The following ARHGAP15 variants were observed in gnomAD, a reference collection of about 807,000 sequenced individuals.
ARHGAP15 encodes the protein Rho GTPase activating protein 15.
A neutral mutation model predicts 63.7 loss-of-function variants in ARHGAP15; 51 were observed. The observed-to-expected ratio is 0.80, with a 90% confidence interval of 0.64 to 1.01. The LOEUF is 1.01. Among genes scored for constraint, ARHGAP15 ranks in the 50% least tolerant of loss-of-function variants. The pLI, the probability that ARHGAP15 is intolerant of heterozygous loss-of-function variation, is 0.00. For missense variants in ARHGAP15, 560 were observed against 564.6 expected (o/e 0.99, Z 0.08); for synonymous variants, 191 against 193.8 (o/e 0.99, Z 0.12).
intron 1 of ARHGAP15, 25 bp from the exon 2 acceptor site, chr2:143,155,452 C>CAT: frequency 6.5e-7 from 1 of 1,536,518 alleles, no homozygotes; most frequent in Non-Finnish European, 8.8e-7. Context: ...TTTAGAATAA[C>CAT]ATAATACATT....
At chr2:143,277,997 C>T (rs1269216049) in intron 6 of ARHGAP15, among the ~76,000 whole-genome samples, 4 of 152,108 alleles carry the variant, frequency 2.6e-5, no homozygotes, top group African/African-American at 7.2e-5. Flanking sequence ...AAACAATTCC[C>T]TCCAGGTTGT....
intron 13 of ARHGAP15, among the ~76,000 whole-genome samples, chr2:143,717,668 C>T (rs1684868074): frequency 6.6e-6 from 1 of 152,178 alleles, no homozygotes; most frequent in African/African-American, 2.4e-5. Context: ...GTACACAAGA[C>T]ATGAAAGTGT....
intron 12 of ARHGAP15, among the ~76,000 whole-genome samples, chr2:143,654,798 T>C (rs999699080): frequency 1.3e-5 from 2 of 152,194 alleles, no homozygotes; most frequent in Admixed American, 1.3e-4. Flanking sequence ...TTCTCTTGAA[T>C]ATATGGAAAT....
chr2:143,708,759 G>A (rs567551400), intron 13 of ARHGAP15, among the ~76,000 whole-genome samples: 1 of 152,224 alleles, frequency 6.6e-6, no homozygotes, highest in African/African-American at 2.4e-5. Context: ...TCTGTTAGAA[G>A]AGTCTCCCTA....
At chr2:143,737,989 C>A (rs189875292) in intron 13 of ARHGAP15, among the ~76,000 whole-genome samples, 83 of 152,204 alleles carry the variant, frequency 5.5e-4, no homozygotes, top group African/African-American at 1.9e-3. Context: ...AACTCCTGAC[C>A]TCAGGTGATC....
At chr2:143,662,383 CAG>C (rs1459937069) in intron 12 of ARHGAP15, among the ~76,000 whole-genome samples, 1 of 145,800 alleles carries the variant, frequency 6.9e-6, no homozygotes, top group Non-Finnish European at 1.5e-5. Context: ...AACTAACAAA[CAG>C]AAAGGACATC....
intron 2 of ARHGAP15, among the ~76,000 whole-genome samples, chr2:143,193,043 G>A (rs548226334): frequency 1.3e-5 from 2 of 152,226 alleles, no homozygotes; most frequent in African/African-American, 4.8e-5. Context: ...TCTTACTGTT[G>A]GTGGCAGGTT....
chr2:143,649,623 G>A (rs971240119), intron 12 of ARHGAP15, among the ~76,000 whole-genome samples: 2 of 151,956 alleles, frequency 1.3e-5, no homozygotes, highest in Admixed American at 6.6e-5. Flanking sequence ...ACTTCTGGGA[G>A]AAAAAGCAGA....
At chr2:143,593,650 G>A (rs948619556) in intron 11 of ARHGAP15, among the ~76,000 whole-genome samples, 48 of 152,198 alleles carry the variant, frequency 3.2e-4, no homozygotes, top group African/African-American at 1.1e-3. Context: ...GAGTTTAAAT[G>A]GTACAGTGGG....
intron 12 of ARHGAP15, among the ~76,000 whole-genome samples, chr2:143,679,746 G>A (rs957146870): frequency 2.0e-5 from 3 of 151,782 alleles, no homozygotes; most frequent in East Asian, 3.9e-4. Flanking sequence ...TTTCGTCCTC[G>A]AAGCTGTTTT....
At chr2:143,373,632 A>C (rs1183532959) in intron 6 of ARHGAP15, among the ~76,000 whole-genome samples, 31 of 34,920 alleles carry the variant, frequency 8.9e-4, no homozygotes, top group African/African-American at 5.3e-3. Flanking sequence ...TCTATCTCAA[A>C]AAAAAAAAAA....
At chr2:143,216,542 G>T (rs1692764649) in intron 4 of ARHGAP15, 97 bp downstream of exon 4, 5 of 836,870 alleles carry the variant, frequency 6.0e-6, no homozygotes, top group Admixed American at 2.2e-5. Flanking sequence ...AGTCCCTATG[G>T]TACCAGACTA....
In ARHGAP15 at chr2:143,637,341, T is replaced by C. The variant is rs183143606; in HGVS notation, c.1138+13074T>C. Among the ~76,000 whole-genome samples, 340 of 152,242 alleles carry C rather than the reference T, an allele frequency of 2.2e-3. 1 individual carries two copies. The highest frequency in any genetic ancestry group is 2.9e-3 in the Non-Finnish European group (199 of 67,992). Reference sequence around the variant, plus strand: ...AATATTATACTATTGGGATCCAAAATTGAATTTAGAGTCCAAGTTCTCACT... The same window carrying C: ...AATATTATACTATTGGGATCCAAAACTGAATTTAGAGTCCAAGTTCTCACT... On this transcript the variant is annotated intron_variant, in intron 12 of 13. Transcript: ENST00000295095.
At chr2:143,148,380 G>A (rs1342273230) in intron 1 of ARHGAP15, among the ~76,000 whole-genome samples, 1 of 152,052 alleles carries the variant, frequency 6.6e-6, no homozygotes, top group African/African-American at 2.4e-5. Context: ...CTATGTCTCA[G>A]AGTAGAGGCT....
At position 143,130,048 on chromosome 2, in the gene ARHGAP15, A is replaced by G. The variant is rs376732083; in HGVS notation, c.-15+582A>G. Among the ~76,000 whole-genome samples, 62 of 152,214 alleles carry G rather than the reference A, an allele frequency of 4.1e-4. 1 individual carries two copies. The highest frequency in any genetic ancestry group is 1.4e-3 in the African/African-American group (57 of 41,572). On this transcript the variant is annotated intron_variant, in intron 1 of 13. Transcript: ENST00000295095. ...ATTTTTTTTCTAAATTTCATTTAAG[A>G]TATAGGGTGAAATGAGTGTAAGTTT...
intron 5 of ARHGAP15, among the ~76,000 whole-genome samples, chr2:143,239,990 C>CAAAAAAAAAAAAAAAAAA (rs60960176): frequency 3.8e-5 from 1 of 26,460 alleles, no homozygotes; most frequent in Non-Finnish European, 6.9e-5. Flanking sequence ...GACTCTGTCT[C>CAAAAAAAAAAAAAAAAAA]AAAAAAAAAA....
At chr2:143,463,557 A>C (rs1353312487) in intron 8 of ARHGAP15, among the ~76,000 whole-genome samples, 2 of 150,982 alleles carry the variant, frequency 1.3e-5, no homozygotes, top group African/African-American at 4.9e-5. Flanking sequence ...TGGGGGGGGA[A>C]GATGTCTTAT....
At chr2:143,561,318 T>C (rs988290341) in intron 11 of ARHGAP15, among the ~76,000 whole-genome samples, 2 of 152,176 alleles carry the variant, frequency 1.3e-5, no homozygotes, top group African/African-American at 4.8e-5. Flanking sequence ...GGCATTCTTT[T>C]TGGAAAAATC....
chr2:143,673,756 G>GTATATA (rs1362315937), intron 12 of ARHGAP15, among the ~76,000 whole-genome samples: 97 of 30,976 alleles, frequency 3.1e-3, no homozygotes, highest in African/African-American at 6.3e-3. Flanking sequence ...GTGTGTGTGT[G>GTATATA]TGTATATATA....
Sources: gnomAD v4.1 joint callset for allele counts (sites outside exome capture counted in the v4.1 genomes callset) on GRCh38, gnomAD v4.1.1 for gene constraint, MANE v1.5 for transcripts, NCBI Gene and HGNC (gene_info 2026-07-23, HGNC 2026-07-21) for gene names.